Variants in PTPRZ1 observed in about 807,000 individuals in gnomAD.
PTPRZ1 encodes receptor-type tyrosine-protein phosphatase zeta.
Under a neutral mutation model 214.1 loss-of-function variants are expected in PTPRZ1, and 82 were observed. The observed-to-expected ratio is 0.38, with a 90% CI of 0.32 to 0.46. The LOEUF (loss-of-function observed/expected upper bound fraction) is 0.46, where lower values mean the gene tolerates loss of function less well. PTPRZ1 is among the 20% of genes least tolerant of loss of function. The pLI is 1.00. For synonymous variants in PTPRZ1, 945 were observed against 987.9 expected, an observed-to-expected ratio of 0.96 and a Z score of 0.81; for missense variants, 2,603 against 2,748.7, an observed-to-expected ratio of 0.95 and a Z score of 1.19.
At chr7:121,899,786 G>A (rs189225486) in intron 1 of PTPRZ1, among the ~76,000 whole-genome samples, 32 of 152,308 alleles carry the variant, frequency 2.1e-4, no homozygotes, top group Non-Finnish European at 3.7e-4. Flanking sequence ...TGGTGTTCAC[G>A]TATTCAGAGT....
rs371475093 is a variant in PTPRZ1, at chr7:122,059,404, A to G, written c.6672-349A>G. The G allele has an allele frequency of 2.9e-4, 49 of 168,056 alleles. 2 individuals carry two copies. Among genetic ancestry groups the G allele is most frequent in the East Asian group, 2.3e-3 (14 of 6,198 alleles). 10.4% of individuals were successfully genotyped at this position (168,056 alleles called of 1,614,324 possible). A position where few individuals can be genotyped will look rare whatever the true frequency, so the allele number is the denominator to read the frequency against. ...CTTATGTTATAAATATATAAAATAC[A>G]GTTTGTTATATATGTATTTATACAT... On this transcript the variant is annotated intron_variant, in intron 28 of 29. Transcript: ENST00000393386.
At chr7:121,909,668 A>G (rs1307203796) in intron 1 of PTPRZ1, among the ~76,000 whole-genome samples, 1 of 152,198 alleles carries the variant, frequency 6.6e-6, no homozygotes, top group African/African-American at 2.4e-5. Context: ...CTAAAATATG[A>G]TATTTATACT....
In PTPRZ1 at chr7:122,010,470, A is replaced by T. The variant is rs748521768; in HGVS notation, c.1424A>T (p.Asn475Ile). 6 of 1,614,124 alleles carry T rather than the reference A, an allele frequency of 3.7e-6. No homozygotes were observed. The highest frequency in any genetic ancestry group is 5.1e-6 in the Non-Finnish European group (6 of 1,179,976). Reference sequence around the variant, plus strand: ...TACAATCGCATAGGGACGAAATACAATGAAGCCAAGACTAACCGATCCCCA... The same window carrying T: ...TACAATCGCATAGGGACGAAATACATTGAAGCCAAGACTAACCGATCCCCA... ...THYNRIGTKY[N>I]EAKTNRSPTR... The change falls in exon 12 of 30, where the codon AAT becomes ATT. Residue 475 changes from asparagine to isoleucine, a missense_variant. Asn to Ile is a moderately radical substitution (Grantham distance 149, BLOSUM62 -3). This residue lies in a region of PTPRZ1 where 1,913 missense variants were observed against 1,914.3 expected (regional missense o/e 1.00). Transcript: ENST00000393386.
At chr7:121,979,278 G>C (rs1412653236) in intron 6 of PTPRZ1, among the ~76,000 whole-genome samples, 2 of 151,968 alleles carry the variant, frequency 1.3e-5, no homozygotes, top group Non-Finnish European at 2.9e-5. Context: ...GAGAGAGAGA[G>C]AGCATGATGT....
chr7:122,046,203 G>C (rs538680090), intron 23 of PTPRZ1, among the ~76,000 whole-genome samples: 1 of 152,082 alleles, frequency 6.6e-6, no homozygotes, highest in Non-Finnish European at 1.5e-5. Context: ...GGGGACCATG[G>C]TCAAGAATTT....
At chr7:121,946,887 C>G (rs1357750520) in intron 2 of PTPRZ1, among the ~76,000 whole-genome samples, 4 of 152,030 alleles carry the variant, frequency 2.6e-5, no homozygotes, top group African/African-American at 9.7e-5. Flanking sequence ...GAGGGACATT[C>G]TATAAAATAA....
intron 20 of PTPRZ1, among the ~76,000 whole-genome samples, chr7:122,040,461 G>A (rs1799690201): frequency 6.6e-6 from 1 of 152,134 alleles, no homozygotes; most frequent in African/African-American, 2.4e-5. Context: ...TGTTCTTACA[G>A]CCTTCAAGTG....
At position 121,899,964 on chromosome 7, in the gene PTPRZ1, G is replaced by A. The variant is rs146719665; in HGVS notation, c.58+26407G>A. On this transcript the variant is annotated intron_variant, in intron 1 of 29. Transcript: ENST00000393386. ...TAGGGGCCTGCAAAGCTATTGGAAT[G>A]GACACAGATCAGTTTTCTGAAGAAA... Among the ~76,000 whole-genome samples the A allele has an allele frequency of 6.4e-3, 969 of 152,244 alleles. 7 individuals carry two copies. The highest frequency in any genetic ancestry group is 0.032 in the South Asian group (153 of 4,822).
chr7:121,996,323 A>T, intron 8 of PTPRZ1, 59 bp from the exon 9 acceptor site: 1 of 1,231,132 alleles, frequency 8.1e-7, no homozygotes, highest in Non-Finnish European at 1.1e-6. Context: ...AATATGTTTT[A>T]TTTATTCAAG....
At chr7:121,876,083 TGATCA>T (rs1484052840) in intron 1 of PTPRZ1, among the ~76,000 whole-genome samples, 1 of 152,238 alleles carries the variant, frequency 6.6e-6, no homozygotes, top group Non-Finnish European at 1.5e-5. Flanking sequence ...AATGTCTTAG[TGATCA>T]GATCAGATCA....
At chr7:121,923,072 T>G (rs1244048568) in intron 1 of PTPRZ1, among the ~76,000 whole-genome samples, 3 of 152,160 alleles carry the variant, frequency 2.0e-5, no homozygotes, top group African/African-American at 7.2e-5. Flanking sequence ...TTCCTAGTGA[T>G]CTATGAAGAT....
chr7:122,011,815 G>T lies in PTPRZ1; in HGVS notation c.2769G>T (p.Gly923=). 1 of 1,614,070 alleles carries T rather than the reference G, an allele frequency of 6.2e-7. No individual in the cohort carries two copies. Among genetic ancestry groups the T allele is most frequent in the Non-Finnish European group, 8.5e-7 (1 of 1,179,970 alleles). Residue 923 remains glycine (G), a synonymous_variant, in exon 12 of 30, where the codon GGG becomes GGT. Coordinates refer to ENST00000393386, the MANE Select transcript of PTPRZ1 (RefSeq NM_002851.3). ...SDAMMHARSS[G]PEPSYALSDN... ...CCATGATGCATGCACGTTCTTCAGG[G>T]CCTGAACCTTCTTATGCCTTGTCTG...
At chr7:121,959,935 T>C (rs1404618992) in intron 2 of PTPRZ1, among the ~76,000 whole-genome samples, 3 of 152,164 alleles carry the variant, frequency 2.0e-5, no homozygotes, top group Non-Finnish European at 4.4e-5. Context: ...CTAAGTAGAG[T>C]TTATTCAAGG....
At chr7:122,040,762 G>A in intron 20 of PTPRZ1, 54 bp from the exon 21 acceptor site, 4 of 942,770 alleles carry the variant, frequency 4.2e-6, no homozygotes, top group Non-Finnish European at 3.1e-6. Flanking sequence ...GTGTGTGTGT[G>A]TGTGTGTGTG....
chr7:121,909,441 C>G (rs944868752), intron 1 of PTPRZ1, among the ~76,000 whole-genome samples: 2 of 152,124 alleles, frequency 1.3e-5, no homozygotes, highest in African/African-American at 4.8e-5. Context: ...ATTACTTATT[C>G]ATTGACTGCA....
intron 1 of PTPRZ1, among the ~76,000 whole-genome samples, chr7:121,882,062 G>C (rs1794258562): frequency 1.3e-5 from 2 of 152,040 alleles, no homozygotes; most frequent in Non-Finnish European, 2.9e-5. Flanking sequence ...TACTGTATTT[G>C]AAAAGCACCA....
At chr7:121,992,921 C>T (rs1268990073) in intron 8 of PTPRZ1, among the ~76,000 whole-genome samples, 1 of 152,172 alleles carries the variant, frequency 6.6e-6, no homozygotes. Context: ...TACTTGTACT[C>T]TACGTGACTT....
intron 12 of PTPRZ1, 74 bp from the exon 13 acceptor site, chr7:122,019,050 A>G: frequency 7.1e-7 from 1 of 1,407,566 alleles, no homozygotes; most frequent in Non-Finnish European, 9.7e-7. Context: ...GAAGGTTGCA[A>G]TTAATCAGTT....
intron 8 of PTPRZ1, among the ~76,000 whole-genome samples, chr7:121,988,694 A>T (rs1477260912): frequency 6.6e-6 from 1 of 152,224 alleles, no homozygotes; most frequent in Non-Finnish European, 1.5e-5. Context: ...AATGGTGAAT[A>T]AGTGAATGAA....
Sources: allele counts gnomAD v4.1 joint callset (sites outside exome capture counted in the v4.1 genomes callset), GRCh38; gene constraint gnomAD v4.1.1; regional missense constraint gnomAD v4.1.1; transcripts MANE v1.5; gene names NCBI Gene and HGNC (gene_info 2026-07-23, HGNC 2026-07-21).